SLC35F4: variants seen among roughly 807,000 people sequenced by gnomAD.
SLC35F4 encodes the protein chromosome 14 open reading frame 36.
In SLC35F4, 24 loss-of-function variants were observed where a neutral mutation model predicts 44.2. That is an observed-to-expected ratio of 0.54 (90% CI 0.39 to 0.76). The LOEUF (loss-of-function observed/expected upper bound fraction) is 0.76. Among genes scored for constraint, SLC35F4 ranks in the 30% least tolerant of loss-of-function variants. SLC35F4 has a pLI of 0.00. For synonymous variants in SLC35F4, 238 were observed against 223.6 expected (o/e 1.06, Z -0.57); for missense variants, 562 against 586.1 (o/e 0.96, Z 0.42).
chr14:57,794,627 G>A (rs985672136), intron 1 of SLC35F4, among the ~76,000 whole-genome samples: 3 of 151,984 alleles, frequency 2.0e-5, no homozygotes, highest in Admixed American at 2.0e-4. Context: ...TACTGAATGG[G>A]TCTGTAGGCC....
At chr14:57,622,079 A>G (rs1370689643) in intron 1 of SLC35F4, among the ~76,000 whole-genome samples, 1 of 147,184 alleles carries the variant, frequency 6.8e-6, no homozygotes, top group Non-Finnish European at 1.5e-5. Flanking sequence ...GCTCGCCATC[A>G]CTGGCCATCA....
chr14:57,804,656 C>T (rs1286677033), intron 1 of SLC35F4, among the ~76,000 whole-genome samples: 4 of 152,140 alleles, frequency 2.6e-5, no homozygotes, highest in Non-Finnish European at 5.9e-5. Flanking sequence ...AAACCCAAAA[C>T]TATAAAAACT....
chr14:57,898,453 T>C (rs1888931049), intron 1 of SLC35F4, among the ~76,000 whole-genome samples: 1 of 152,204 alleles, frequency 6.6e-6, no homozygotes, highest in Non-Finnish European at 1.5e-5. Context: ...TTAATAACTA[T>C]GTTAACCAGG....
intron 1 of SLC35F4, among the ~76,000 whole-genome samples, chr14:57,968,851 T>G (rs147112901): frequency 2.6e-5 from 4 of 152,202 alleles, no homozygotes; most frequent in African/African-American, 9.6e-5. Context: ...AAAGATGAAA[T>G]GTCAGAAATA....
intron 1 of SLC35F4, among the ~76,000 whole-genome samples, chr14:57,639,531 G>A (rs60574375): frequency 0.028 from 4,202 of 152,046 alleles, 86 homozygotes; most frequent in South Asian, 0.075. Flanking sequence ...GTATTCAACT[G>A]AAGGTCATAT....
chr14:57,757,394 T>A (rs1407687433), intron 1 of SLC35F4, among the ~76,000 whole-genome samples: 1 of 152,182 alleles, frequency 6.6e-6, no homozygotes, highest in Non-Finnish European at 1.5e-5. Context: ...CACTCTAACA[T>A]GTTGATATTT....
At chr14:57,727,074 T>C (rs1005227829) in intron 1 of SLC35F4, among the ~76,000 whole-genome samples, 4 of 151,990 alleles carry the variant, frequency 2.6e-5, no homozygotes, top group African/African-American at 9.7e-5. Flanking sequence ...GATGGCCTAT[T>C]GTGGGACCTT....
At chr14:57,780,166 A>T (rs548302128) in intron 1 of SLC35F4, among the ~76,000 whole-genome samples, 59 of 152,222 alleles carry the variant, frequency 3.9e-4, no homozygotes, top group Admixed American at 2.9e-3. Flanking sequence ...AGATGACATG[A>T]TTCTATATCT....
At chr14:57,789,392 C>G (rs1180392824) in intron 1 of SLC35F4, among the ~76,000 whole-genome samples, 4 of 152,122 alleles carry the variant, frequency 2.6e-5, no homozygotes, top group African/African-American at 9.7e-5. Flanking sequence ...ACTAGAAAAT[C>G]TAGAAGAAAT....
intron 1 of SLC35F4, among the ~76,000 whole-genome samples, chr14:57,639,778 T>C (rs887392829): frequency 6.6e-6 from 1 of 151,976 alleles, no homozygotes; most frequent in South Asian, 2.1e-4. Flanking sequence ...TACTAGTATA[T>C]CTAACTACTA....
At chr14:57,630,700 C>A in intron 1 of SLC35F4, 1 of 583,206 alleles carries the variant, frequency 1.7e-6, no homozygotes. Flanking sequence ...CAGTATAAAC[C>A]ATGATCATTT....
chr14:57,744,447 G>A (rs990645411), intron 1 of SLC35F4, among the ~76,000 whole-genome samples: 10 of 151,896 alleles, frequency 6.6e-5, no homozygotes, highest in African/African-American at 2.4e-4. Context: ...CAAATGGAGA[G>A]CCAAATCATG....
rs56929264 is a variant in SLC35F4 at position 57,773,655 on chromosome 14, C to CA, written c.103+92067dup. On this transcript the variant is annotated intron_variant, in intron 1 of 7. Coordinates refer to ENST00000556826, the MANE Select transcript of SLC35F4 (RefSeq NM_001306087.2). The stretch of plus-strand genomic sequence containing the variant: ...AGATTTTTTAAAAGCAGAAAATAGA[C>CA]AAAAAAAAAAGGCTCTAGAAAAACA... 0.023 allele frequency among the ~76,000 whole-genome samples: 3,353 copies of CA among 145,556 alleles called. 261 individuals carry two copies. The East Asian group carries it at 0.31, about 13-fold the overall frequency.
chr14:57,917,712 C>T (rs930839079), intron 1 of SLC35F4, among the ~76,000 whole-genome samples: 13 of 151,894 alleles, frequency 8.6e-5, no homozygotes, highest in African/African-American at 3.1e-4. Context: ...ATTTTAGATA[C>T]AGGGGGTACA....
chr14:57,845,847 A>G (rs944804952), intron 1 of SLC35F4, among the ~76,000 whole-genome samples: 1 of 152,196 alleles, frequency 6.6e-6, no homozygotes, highest in East Asian at 1.9e-4. Flanking sequence ...ACCTAAGTCC[A>G]AAGTCAAAGG....
At chr14:57,746,769 A>T (rs2076765120) in intron 1 of SLC35F4, among the ~76,000 whole-genome samples, 1 of 152,158 alleles carries the variant, frequency 6.6e-6, no homozygotes, top group Non-Finnish European at 1.5e-5. Context: ...TTTCAAAATG[A>T]CTCAAGGGGT....
chr14:57,971,111 C>T (rs902993972), intron 1 of SLC35F4, among the ~76,000 whole-genome samples: 11 of 152,200 alleles, frequency 7.2e-5, no homozygotes, highest in Admixed American at 7.2e-4. Flanking sequence ...AAATTAATAA[C>T]TCACACAGAG....
In SLC35F4 at chr14:57,624,849, T is replaced by C. The variant is rs1471700689; in HGVS notation, c.104-30725A>G. Among the ~76,000 whole-genome samples the C allele has an allele frequency of 3.3e-5, 5 of 152,100 alleles. No individual in the cohort carries two copies. The South Asian group carries it at 6.2e-4, about 19-fold the overall frequency. The stretch of plus-strand genomic sequence containing the variant: ...TATGACAAACCCACAGCCAATATCA[T>C]ACTGAATGGGTAAAAGCTGGAAGCA... On this transcript the variant is annotated intron_variant, in intron 1 of 7. Transcript: ENST00000556826.
intron 1 of SLC35F4, among the ~76,000 whole-genome samples, chr14:57,757,370 C>A (rs927772923): frequency 2.0e-5 from 3 of 152,064 alleles, no homozygotes; most frequent in Non-Finnish European, 4.4e-5. Flanking sequence ...CAATTGGGAT[C>A]TTTATTTACC....
Sources: gnomAD v4.1 joint callset for allele counts (sites outside exome capture counted in the v4.1 genomes callset) on GRCh38, gnomAD v4.1.1 for gene constraint, MANE v1.5 for transcripts, NCBI Gene and HGNC (gene_info 2026-07-23, HGNC 2026-07-21) for gene names.